LRP1B: variants seen among roughly 807,000 people sequenced by gnomAD.
The protein encoded by LRP1B is low-density lipoprotein receptor-related protein 1B.
Under a neutral mutation model 556.6 loss-of-function variants are expected in LRP1B, and 217 were observed. The observed-to-expected ratio is 0.39, with a 90% CI of 0.35 to 0.44. The LOEUF is 0.44. LRP1B is among the 20% of genes least tolerant of loss of function. LRP1B has a pLI of 1.00. For missense variants in LRP1B, 5,053 were observed against 5,620.8 expected, an observed-to-expected ratio of 0.90 and a Z score of 3.23; for synonymous variants, 2,047 against 1,865.8, an observed-to-expected ratio of 1.10 and a Z score of -2.50.
chr2:140,410,471 C>CTT (rs1558863353), intron 66 of LRP1B, among the ~76,000 whole-genome samples: 1 of 151,942 alleles, frequency 6.6e-6, no homozygotes, highest in African/African-American at 2.4e-5. Context: ...TTTTAATAAG[C>CTT]CTGCTTGCCT....
intron 2 of LRP1B, among the ~76,000 whole-genome samples, chr2:141,668,233 T>G (rs1690519001): frequency 6.6e-6 from 1 of 152,154 alleles, no homozygotes; most frequent in African/African-American, 2.4e-5. Flanking sequence ...TCACCCCTCT[T>G]CTAGCTTTTA....
At chr2:140,677,727 C>T (rs1283790607) in intron 41 of LRP1B, among the ~76,000 whole-genome samples, 4 of 144,052 alleles carry the variant, frequency 2.8e-5, no homozygotes, top group Middle Eastern at 3.6e-3. Flanking sequence ...ACAAAAAAAA[C>T]TAGCCAGGCT....
chr2:141,178,425 A>G (rs1395084867), intron 7 of LRP1B, among the ~76,000 whole-genome samples: 1 of 152,132 alleles, frequency 6.6e-6, no homozygotes, highest in African/African-American at 2.4e-5. Context: ...TTGATAGTTT[A>G]GATACACAGG....
At chr2:141,767,536 C>T (rs1487166611) in intron 2 of LRP1B, among the ~76,000 whole-genome samples, 1 of 152,052 alleles carries the variant, frequency 6.6e-6, no homozygotes, top group Non-Finnish European at 1.5e-5. Flanking sequence ...ATTTCTTTCC[C>T]TCAGGAGTTG....
intron 41 of LRP1B, among the ~76,000 whole-genome samples, chr2:140,692,811 C>A (rs886743573): frequency 6.6e-6 from 1 of 152,052 alleles, no homozygotes; most frequent in African/African-American, 2.4e-5. Context: ...ATAAAATATA[C>A]TAAACTTATA....
chr2:140,651,312 T>G (rs1236430296), intron 41 of LRP1B, among the ~76,000 whole-genome samples: 2 of 115,560 alleles, frequency 1.7e-5, no homozygotes, highest in African/African-American at 7.0e-5. Context: ...TGAGATCACA[T>G]GGACACAGGG....
chr2:140,317,119 A>T (rs1223065642), intron 82 of LRP1B, among the ~76,000 whole-genome samples: 1 of 152,066 alleles, frequency 6.6e-6, no homozygotes, highest in African/African-American at 2.4e-5. Context: ...GCGGACCTGG[A>T]TTGGAGAGGG....
At chr2:141,258,623 A>C (rs1273408568) in intron 3 of LRP1B, among the ~76,000 whole-genome samples, 1 of 152,120 alleles carries the variant, frequency 6.6e-6, no homozygotes, top group Admixed American at 6.5e-5. Flanking sequence ...GTTCCCACCC[A>C]AATCTCATGT....
chr2:140,511,359 T>C (rs71415497), intron 51 of LRP1B, among the ~76,000 whole-genome samples: 1 of 124,090 alleles, frequency 8.1e-6, no homozygotes, highest in Admixed American at 1.1e-4. Context: ...TGGAGTGCGG[T>C]GGCGCGGTCT....
intron 7 of LRP1B, among the ~76,000 whole-genome samples, chr2:141,136,725 T>C (rs1425574842): frequency 6.6e-6 from 1 of 151,718 alleles, no homozygotes; most frequent in Admixed American, 6.6e-5. Context: ...ATTAGCTACA[T>C]AAATTGCTAT....
intron 13 of LRP1B, 84 bp downstream of exon 13, chr2:141,015,612 T>A: frequency 8.8e-7 from 1 of 1,131,086 alleles, no homozygotes; most frequent in East Asian, 2.6e-5. Context: ...AAAAATAAAC[T>A]TGAAAGTATT....
At chr2:140,669,017 G>A (rs1043322713) in intron 41 of LRP1B, among the ~76,000 whole-genome samples, 2 of 152,152 alleles carry the variant, frequency 1.3e-5, no homozygotes, top group African/African-American at 2.4e-5. Flanking sequence ...AGATTTCTTT[G>A]GTTGAAGGTT....
chr2:142,004,286 G>T (rs1702740433), intron 1 of LRP1B, among the ~76,000 whole-genome samples: 1 of 152,090 alleles, frequency 6.6e-6, no homozygotes. Flanking sequence ...AATTCTGGGT[G>T]CTAAGGAAAA....
chr2:141,092,473 A>C (rs1328425919), intron 7 of LRP1B, among the ~76,000 whole-genome samples: 1 of 152,194 alleles, frequency 6.6e-6, no homozygotes, highest in Non-Finnish European at 1.5e-5. Context: ...TACACATCTG[A>C]AAGTCAGGGA....
chr2:140,716,624 G>C, intron 36 of LRP1B, 58 bp downstream of exon 36: 1 of 1,523,658 alleles, frequency 6.6e-7, no homozygotes, highest in East Asian at 2.3e-5. Flanking sequence ...TTATGAAGCA[G>C]TTTGAGCCCC....
chr2:140,614,317 T>G (rs1683184127), intron 41 of LRP1B, among the ~76,000 whole-genome samples: 3 of 152,146 alleles, frequency 2.0e-5, no homozygotes, highest in African/African-American at 7.2e-5. Context: ...TTCTCTTTAA[T>G]TCCATCTTTA....
At chr2:141,212,249 ATTTTTTTTTTTTTTTTTTTTTTTTTTT>A (rs59699046) in intron 6 of LRP1B, among the ~76,000 whole-genome samples, 2 of 62,270 alleles carry the variant, frequency 3.2e-5, no homozygotes, top group Non-Finnish European at 6.1e-5. Context: ...AAAAGTCTAG[ATTTTTTTTTTTTTTTTTTTTTTTTTTT>A]TTTTTTTTTT....
At chr2:140,787,054 G>A (rs13000151) in intron 32 of LRP1B, among the ~76,000 whole-genome samples, 39,268 of 152,060 alleles carry the variant, frequency 0.26, 5,343 homozygotes, top group South Asian at 0.32. Flanking sequence ...GCAGGATGGG[G>A]AAGAAGAAGG....
chr2:141,209,198 A>G (rs1037942432), intron 6 of LRP1B, among the ~76,000 whole-genome samples: 3 of 152,140 alleles, frequency 2.0e-5, no homozygotes, highest in African/African-American at 7.2e-5. Context: ...TGTAGTTCCC[A>G]TAATCCCCAC....
Sources: gnomAD v4.1 joint callset for allele counts (sites outside exome capture counted in the v4.1 genomes callset) on GRCh38, gnomAD v4.1.1 for gene constraint, MANE v1.5 for transcripts, NCBI Gene and HGNC (gene_info 2026-07-23, HGNC 2026-07-21) for gene names.